Variants in LOC128092253 observed in about 807,000 individuals in gnomAD.
At chr6:133,978,435 A>C in the LOC128092253 span, among the ~76,000 whole-genome samples, 1 of 152,202 alleles carries the variant, frequency 6.6e-6, no homozygotes, top group African/African-American at 2.4e-5. Flanking sequence ...ATAGCTATTA[A>C]GTGGTGAGTC....
the LOC128092253 span, among the ~76,000 whole-genome samples, chr6:133,962,952 A>G: frequency 5.2e-4 from 79 of 152,346 alleles, no homozygotes; most frequent in Non-Finnish European, 8.2e-4. Context: ...AAGCTTCTTC[A>G]GAATCCAGGG....
the LOC128092253 span, among the ~76,000 whole-genome samples, chr6:133,957,648 A>G: frequency 1.3e-5 from 2 of 152,234 alleles, no homozygotes; most frequent in Non-Finnish European, 1.5e-5. Flanking sequence ...CTTAAAGAGT[A>G]CGGACTCTGG....
At chr6:133,977,343 T>C in the LOC128092253 span, among the ~76,000 whole-genome samples, 41 of 152,180 alleles carry the variant, frequency 2.7e-4, no homozygotes, top group Non-Finnish European at 4.4e-5. Flanking sequence ...TTTTTAAAAT[T>C]TAAGTTGCTG....
the LOC128092253 span, among the ~76,000 whole-genome samples, chr6:133,978,831 T>C: frequency 6.6e-6 from 1 of 152,346 alleles, no homozygotes; most frequent in East Asian, 1.9e-4. Context: ...GTTTTAGTTA[T>C]ATAATAATTT....
the LOC128092253 span, among the ~76,000 whole-genome samples, chr6:133,959,861 G>A: frequency 3.3e-5 from 5 of 152,302 alleles, no homozygotes; most frequent in South Asian, 1.0e-3. Flanking sequence ...TAAAGTCAAT[G>A]TGTAACCCAA....
the LOC128092253 span, among the ~76,000 whole-genome samples, chr6:133,971,279 G>A: frequency 2.6e-5 from 4 of 151,966 alleles, no homozygotes; most frequent in African/African-American, 9.7e-5. Context: ...TCTTACAGCT[G>A]AATAATATTC....
At chr6:133,968,011 CTTT>C in the LOC128092253 span, among the ~76,000 whole-genome samples, 7 of 136,042 alleles carry the variant, frequency 5.1e-5, no homozygotes, top group South Asian at 2.4e-4. Flanking sequence ...TGACTATTTT[CTTT>C]TTTTTTTTTT....
At chr6:133,969,698 C>A in the LOC128092253 span, among the ~76,000 whole-genome samples, 1 of 152,096 alleles carries the variant, frequency 6.6e-6, no homozygotes, top group Admixed American at 6.5e-5. Context: ...CCTAAAATGT[C>A]CTCATGATAG....
the LOC128092253 span, among the ~76,000 whole-genome samples, chr6:133,959,342 T>C: frequency 1.3e-5 from 2 of 152,110 alleles, no homozygotes; most frequent in African/African-American, 4.8e-5. Context: ...CCACCATGCC[T>C]GGCCTGTGTT....
chr6:133,955,363 T>C, the LOC128092253 span, among the ~76,000 whole-genome samples: 757 of 151,970 alleles, frequency 5.0e-3, 2 homozygotes, highest in Non-Finnish European at 7.4e-3. Flanking sequence ...GGTGGTAGTT[T>C]AGTTACTGTC....
chr6:133,974,490 C>T, the LOC128092253 span, among the ~76,000 whole-genome samples: 4 of 152,148 alleles, frequency 2.6e-5, no homozygotes, highest in African/African-American at 9.7e-5. Flanking sequence ...TGCACCACCA[C>T]GCCCGGCTGA....
chr6:133,976,690 GA>G, the LOC128092253 span, among the ~76,000 whole-genome samples: 1 of 152,076 alleles, frequency 6.6e-6, no homozygotes, highest in Non-Finnish European at 1.5e-5. Flanking sequence ...ATGCTTTGTA[GA>G]AACTGAGCTA....
the LOC128092253 span, among the ~76,000 whole-genome samples, chr6:133,965,849 C>T: frequency 1.3e-5 from 2 of 152,168 alleles, no homozygotes; most frequent in Non-Finnish European, 2.9e-5. Context: ...ACAATAAGAA[C>T]AGCTACATTT....
the LOC128092253 span, among the ~76,000 whole-genome samples, chr6:133,954,937 T>C: frequency 6.6e-6 from 1 of 152,142 alleles, no homozygotes; most frequent in Admixed American, 6.5e-5. Context: ...GCTTTTAATA[T>C]GGAATTGAGG....
At chr6:133,970,872 C>G in the LOC128092253 span, among the ~76,000 whole-genome samples, 45 of 152,204 alleles carry the variant, frequency 3.0e-4, no homozygotes, top group South Asian at 8.3e-4. Flanking sequence ...TTATGAGGTA[C>G]AGATTTGTTG....
chr6:133,960,418 CTT>C, the LOC128092253 span, among the ~76,000 whole-genome samples: 34 of 131,546 alleles, frequency 2.6e-4, no homozygotes, highest in Non-Finnish European at 2.6e-4. Context: ...GCTGACCAGC[CTT>C]TTTTTTTTTT....
chr6:133,960,418 C>CTTTTT, the LOC128092253 span, among the ~76,000 whole-genome samples: 30 of 131,582 alleles, frequency 2.3e-4, no homozygotes, highest in Middle Eastern at 4.1e-3. Context: ...GCTGACCAGC[C>CTTTTT]TTTTTTTTTT....
At chr6:133,959,260 G>A in the LOC128092253 span, among the ~76,000 whole-genome samples, 4 of 152,054 alleles carry the variant, frequency 2.6e-5, no homozygotes, top group Admixed American at 6.6e-5. Flanking sequence ...GGCTAGCCTC[G>A]AACTTCTGAC....
the LOC128092253 span, among the ~76,000 whole-genome samples, chr6:133,961,535 C>G: frequency 7.4e-6 from 1 of 135,718 alleles, no homozygotes; most frequent in Non-Finnish European, 1.5e-5. Flanking sequence ...GTGGTGCAAT[C>G]TCGGCTCATT....
Sources: gnomAD v4.1 joint callset for allele counts (sites outside exome capture counted in the v4.1 genomes callset) on GRCh38, gnomAD v4.1.1 for gene constraint, MANE v1.5 for transcripts.